The following NR1D2 variants were observed in gnomAD, a reference collection of about 807,000 sequenced individuals.
NR1D2 encodes the protein V-erbA-related protein 1-related.
A neutral mutation model predicts 52.2 loss-of-function variants in NR1D2; 25 were observed. The observed-to-expected ratio is 0.48, with a 90% CI of 0.35 to 0.67. NR1D2 has a LOEUF of 0.67. NR1D2 is among the 30% of genes least tolerant of loss of function. The pLI, the probability that NR1D2 is intolerant of heterozygous loss-of-function variation, is 0.01. For missense variants in NR1D2, 681 were observed against 707.2 expected, an observed-to-expected ratio of 0.96 and a Z score of 0.42; for synonymous variants, 259 against 230.1, an observed-to-expected ratio of 1.13 and a Z score of -1.14.
In NR1D2 at chr3:23,978,264, C is replaced by A. The variant is rs1199491881; in HGVS notation, c.*845C>A. 6.6e-6 allele frequency: 1 copy of A among 152,048 alleles called. No homozygotes were observed. The highest frequency in any genetic ancestry group is 2.4e-5 in the African/African-American group (1 of 41,398). The allele number at this position is 152,048 out of a possible 1,614,324, so 9.4% of individuals were successfully genotyped here. A position where few individuals can be genotyped will look rare whatever the true frequency, so the allele number is the denominator to read the frequency against. ...TATGTGAATATAGTTAAATATATTT[C>A]TTCACAATATTTTAAACTGTGAAGA... On this transcript the variant is annotated 3_prime_UTR_variant, in exon 8 of 8. Transcript: ENST00000312521.
intron 6 of NR1D2, 68 bp downstream of exon 6, chr3:23,965,230 T>G: frequency 2.1e-6 from 2 of 930,298 alleles, no homozygotes; most frequent in Non-Finnish European, 3.1e-6. Flanking sequence ...ATGGATGTTT[T>G]AATTCTTTTT....
chr3:23,948,201 C>T (rs554109453), intron 1 of NR1D2, among the ~76,000 whole-genome samples: 5 of 152,110 alleles, frequency 3.3e-5, no homozygotes, highest in Non-Finnish European at 7.4e-5. Flanking sequence ...GTGTGGCACA[C>T]CTCTACCCTT....
In NR1D2 at chr3:23,959,841, C is replaced by G. The variant is rs777431709; in HGVS notation, c.517+26C>G. The G allele has an allele frequency of 3.1e-6, 5 of 1,598,702 alleles. No homozygotes were observed. In the African/African-American group the frequency reaches 5.4e-5, roughly 17 times the overall value. ...GTATGTTCCCAGTTTAAAGAGTGTT[C>G]CTAAAGTGTATGGAGCTTGGCTTTT... On this transcript the variant is annotated intron_variant, in intron 4 of 7. Transcript: ENST00000312521.
At chr3:23,963,475 A>G (rs1266303058) in intron 5 of NR1D2, 4 of 1,056,428 alleles carry the variant, frequency 3.8e-6, no homozygotes, top group South Asian at 3.5e-5. Flanking sequence ...TTTTTGAGAC[A>G]TTCTTGCTCT....
At chr3:23,948,770 A>G (rs1158284614) in intron 1 of NR1D2, among the ~76,000 whole-genome samples, 1 of 152,242 alleles carries the variant, frequency 6.6e-6, no homozygotes, top group Non-Finnish European at 1.5e-5. Flanking sequence ...TGGGAACACA[A>G]ACTGTTAACT....
chr3:23,963,015 GTTTTTT>G lies in NR1D2; in HGVS notation c.1146+419_1146+424del, dbSNP rs560624460. Among the ~76,000 whole-genome samples, 5 of 141,084 alleles carry G rather than the reference GTTTTTT, an allele frequency of 3.5e-5. No homozygotes were observed. In the East Asian group the frequency reaches 1.0e-3, roughly 29 times the overall value. The allele number at this position is 141,084 out of a possible 152,430, so 92.6% of individuals were successfully genotyped here. A position where few individuals can be genotyped will look rare whatever the true frequency, so the allele number is the denominator to read the frequency against. On this transcript the variant is annotated intron_variant, in intron 5 of 7. Coordinates refer to ENST00000312521, the MANE Select transcript of NR1D2 (RefSeq NM_005126.5). ...AATTCTTTGATTTCTATAGAAAGAG[GTTTTTT>G]TTTTTTTTAACCATTATTATGCAAG... is the stretch of plus-strand genomic sequence containing the variant.
chr3:23,958,780 T>C (rs1476395865), intron 3 of NR1D2, among the ~76,000 whole-genome samples: 1 of 151,512 alleles, frequency 6.6e-6, no homozygotes, highest in East Asian at 1.9e-4. Flanking sequence ...AAACCCTGTC[T>C]CTACTAAAAA....
intron 5 of NR1D2, among the ~76,000 whole-genome samples, chr3:23,963,033 CATT>C (rs1191969810): frequency 6.7e-6 from 1 of 150,162 alleles, no homozygotes; most frequent in Non-Finnish European, 1.5e-5. Flanking sequence ...TTTTTTTAAC[CATT>C]ATTATGCAAG....
At chr3:23,958,987 G>A (rs977390899) in intron 3 of NR1D2, among the ~76,000 whole-genome samples, 1 of 151,878 alleles carries the variant, frequency 6.6e-6, no homozygotes, top group African/African-American at 2.4e-5. Context: ...AATCAGGTCC[G>A]GAGTGGTGGT....
intron 7 of NR1D2, among the ~76,000 whole-genome samples, 157 bp from the exon 8 acceptor site, chr3:23,977,066 T>C: frequency 6.6e-6 from 1 of 152,352 alleles, no homozygotes; most frequent in East Asian, 1.9e-4. Flanking sequence ...GATTTGTTAC[T>C]GAGATTTTGA....
At chr3:23,969,808 C>A (rs937390319) in intron 7 of NR1D2, among the ~76,000 whole-genome samples, 8 of 152,112 alleles carry the variant, frequency 5.3e-5, no homozygotes, top group African/African-American at 1.9e-4. Flanking sequence ...AAGGTGAAAT[C>A]ATCTTGGAAG....
chr3:23,969,242 C>T (rs1706526825), intron 7 of NR1D2, among the ~76,000 whole-genome samples: 1 of 152,130 alleles, frequency 6.6e-6, no homozygotes, highest in Admixed American at 6.5e-5. Context: ...GCCGAGATCA[C>T]ACCAGCTTGC....
In NR1D2 at chr3:23,963,343, G is replaced by A. The variant is rs144212492; in HGVS notation, c.1146+738G>A. 59 of 1,329,168 alleles carry A rather than the reference G, an allele frequency of 4.4e-5. No homozygotes were observed. In the Admixed American group the frequency reaches 5.3e-4, roughly 12 times the overall value. 82.3% of individuals were successfully genotyped at this position (1,329,168 alleles called of 1,614,324 possible). A position where few individuals can be genotyped will look rare whatever the true frequency, so the allele number is the denominator to read the frequency against. Reference sequence around the variant, plus strand: ...TTTCTACTGACAGGTAATTAAAGTCGTCTTTTTCATTTTCAAAATAGTTGA... The same window carrying A: ...TTTCTACTGACAGGTAATTAAAGTCATCTTTTTCATTTTCAAAATAGTTGA... On this transcript the variant is annotated intron_variant, in intron 5 of 7. Coordinates refer to ENST00000312521, the MANE Select transcript of NR1D2 (RefSeq NM_005126.5).
chr3:23,949,895 A>T (rs1705879747), intron 1 of NR1D2, among the ~76,000 whole-genome samples: 1 of 152,250 alleles, frequency 6.6e-6, no homozygotes, highest in African/African-American at 2.4e-5. Context: ...CAATATATGC[A>T]GGAATATCAG....
chr3:23,965,215 T>G (rs963247829), intron 6 of NR1D2, 53 bp downstream of exon 6: 19 of 1,225,392 alleles, frequency 1.6e-5, no homozygotes, highest in Non-Finnish European at 1.7e-5. Context: ...TAGTATTTTA[T>G]TTTCATGGAT....
chr3:23,975,029 G>A (rs1706685734), intron 7 of NR1D2, among the ~76,000 whole-genome samples: 1 of 151,956 alleles, frequency 6.6e-6, no homozygotes, highest in African/African-American at 2.4e-5. Flanking sequence ...ATGTTGGCCA[G>A]GCTGGTTTCA....
rs765069122 is a variant in NR1D2 at position 23,964,966 on chromosome 3, A to G, written c.1147-11A>G. On this transcript the variant is annotated splice_polypyrimidine_tract_variant and intron_variant, in intron 5 of 7. Transcript: ENST00000312521. Reference sequence around the variant, plus strand: ...TAGTATTTAAGAGTTTTTCCGTTTTATGTATACTAGGTTTGTCCAATGAGT... The same window carrying G: ...TAGTATTTAAGAGTTTTTCCGTTTTGTGTATACTAGGTTTGTCCAATGAGT... 8 of 1,573,126 alleles carry G rather than the reference A, an allele frequency of 5.1e-6. No individual in the cohort carries two copies. The highest frequency in any genetic ancestry group is 5.2e-6 in the Non-Finnish European group (6 of 1,157,226).
intron 1 of NR1D2, chr3:23,946,036 C>A (rs1234024571): frequency 3.1e-5 from 28 of 909,264 alleles, no homozygotes; most frequent in Non-Finnish European, 3.7e-5. Flanking sequence ...CGGGGGCGCG[C>A]GCGCGCGCGC....
rs371037212 is a variant in NR1D2, at chr3:23,972,768, A to G, written c.1544-4455A>G. On this transcript the variant is annotated intron_variant, in intron 7 of 7. Transcript: ENST00000312521. ...TACACCATTTAGAAGATGAATTTCC[A>G]CTTCAACATGTGTACTCTTAACATT... is the stretch of plus-strand genomic sequence containing the variant. 9.2e-5 allele frequency among the ~76,000 whole-genome samples: 14 copies of G among 152,308 alleles called. 1 individual carries two copies. The South Asian group carries it at 1.7e-3, about 18-fold the overall frequency.
Sources: gnomAD v4.1 joint callset for allele counts (sites outside exome capture counted in the v4.1 genomes callset) on GRCh38, gnomAD v4.1.1 for gene constraint, MANE v1.5 for transcripts, NCBI Gene and HGNC (gene_info 2026-07-23, HGNC 2026-07-21) for gene names.